Variants in SLAIN1 observed in about 807,000 individuals in gnomAD.
SLAIN1 encodes SLAIN family member 1.
Under a neutral mutation model 55.4 loss-of-function variants are expected in SLAIN1, and 17 were observed. That is an observed-to-expected ratio of 0.31 (90% CI 0.21 to 0.46). SLAIN1 has a LOEUF of 0.46. Ranked by LOEUF, SLAIN1 falls within the 20% of genes least tolerant of loss-of-function variation. The probability of loss-of-function intolerance (pLI) is 1.00; values close to 1 mark genes in which losing one functional copy is unlikely to be tolerated. For synonymous variants in SLAIN1, 348 were observed against 337.4 expected (o/e 1.03, Z -0.35); for missense variants, 682 against 785.1 (o/e 0.87, Z 1.57).
intron 2 of SLAIN1, among the ~76,000 whole-genome samples, chr13:77,720,180 T>G (rs1275148124): frequency 1.3e-5 from 2 of 152,102 alleles, no homozygotes; most frequent in South Asian, 4.1e-4. Context: ...AAGTTTAAAT[T>G]TAAAAAAAGG....
chr13:77,710,650 C>CT (rs977089704), intron 1 of SLAIN1, among the ~76,000 whole-genome samples: 2 of 152,098 alleles, frequency 1.3e-5, no homozygotes, highest in Non-Finnish European at 2.9e-5. Flanking sequence ...GTGGGAGACT[C>CT]TAACACCCCA....
chr13:77,721,927 CTAGA>C (rs1157149021), intron 2 of SLAIN1, among the ~76,000 whole-genome samples: 5 of 148,832 alleles, frequency 3.4e-5, no homozygotes, highest in African/African-American at 1.2e-4. Context: ...CATTTGCACA[CTAGA>C]TAGATTTACA....
intron 5 of SLAIN1, among the ~76,000 whole-genome samples, chr13:77,759,968 T>C (rs894013348): frequency 1.7e-4 from 26 of 152,330 alleles, no homozygotes; most frequent in African/African-American, 6.0e-4. Flanking sequence ...TTTGGGTCTT[T>C]TTCCCCCTTA....
At chr13:77,747,027 A>T (rs1034744466) in intron 4 of SLAIN1, among the ~76,000 whole-genome samples, 172 bp downstream of exon 4, 1 of 152,116 alleles carries the variant, frequency 6.6e-6, no homozygotes, top group Non-Finnish European at 1.5e-5. Flanking sequence ...CCTAGGTTCA[A>T]ACGATTCTCC....
chr13:77,711,414 A>G (rs1251647754), intron 1 of SLAIN1, among the ~76,000 whole-genome samples: 4 of 152,220 alleles, frequency 2.6e-5, no homozygotes, highest in African/African-American at 9.7e-5. Flanking sequence ...TCCCACAGAA[A>G]TACAAACTAC....
At chr13:77,763,106 T>C in intron 6 of SLAIN1, 39 bp from the exon 7 acceptor site, 7 of 1,550,010 alleles carry the variant, frequency 4.5e-6, no homozygotes, top group South Asian at 1.1e-5. Context: ...CATAGGATTA[T>C]TAACAATCTC....
At chr13:77,733,851 T>C (rs1872990967) in intron 2 of SLAIN1, among the ~76,000 whole-genome samples, 1 of 152,108 alleles carries the variant, frequency 6.6e-6, no homozygotes, top group Non-Finnish European at 1.5e-5. Context: ...GTTTACCCAA[T>C]AAAAAATATT....
Position 77,763,182 on chromosome 13 carries a change from A to G in SLAIN1, c.1735A>G (p.Thr579Ala), listed in dbSNP as rs1436261014. 1 of 1,613,896 alleles carries G rather than the reference A, an allele frequency of 6.2e-7. No homozygotes were observed. Among genetic ancestry groups the G allele is most frequent in the African/African-American group, 1.3e-5 (1 of 74,900 alleles). ...QPPKPLSSLS[T>A]LRDGNWRDGC... is the part of the protein sequence containing the mutation. ...TCCAAAGCCTCTGTCTTCACTCAGC[A>G]CTCTGAGGGATGGAAATTGGAGAGA... is the stretch of plus-strand genomic sequence containing the variant. Residue 579 changes from threonine (T) to alanine (A), a missense_variant, in exon 7 of 7, where the codon ACT becomes GCT. Physicochemically the swap from Thr to Ala is moderately conservative, Grantham distance 58. This residue lies in a region of SLAIN1 where 244 missense variants were observed against 295.2 expected (regional missense o/e 0.83). Transcript: ENST00000418532.
At chr13:77,753,908 C>T (rs1447336957) in intron 5 of SLAIN1, among the ~76,000 whole-genome samples, 4 of 152,028 alleles carry the variant, frequency 2.6e-5, no homozygotes, top group Non-Finnish European at 5.9e-5. Flanking sequence ...TTTAGCTTAC[C>T]CCACATTCTG....
chr13:77,698,959 G>T lies in SLAIN1; in HGVS notation c.626+420G>T. On this transcript the variant is annotated intron_variant, in intron 1 of 6. Transcript: ENST00000418532. The surrounding 1 kb of genome is among the most constrained non-coding windows in gnomAD (Gnocchi z 4.1). ...TTGGCCTCTGTCTGCGACTGTTACT[G>T]TTCTTTCGTTTTAAACGAACGCTGG... 1 of 1,534,332 alleles carries T rather than the reference G, an allele frequency of 6.5e-7. No homozygotes were observed.
At chr13:77,721,925 C>T (rs1243235733) in intron 2 of SLAIN1, among the ~76,000 whole-genome samples, 1 of 148,842 alleles carries the variant, frequency 6.7e-6, no homozygotes, top group Non-Finnish European at 1.5e-5. Context: ...GTCATTTGCA[C>T]ACTAGATAGA....
intron 2 of SLAIN1, among the ~76,000 whole-genome samples, chr13:77,727,721 C>T (rs1451046110): frequency 6.6e-6 from 1 of 152,166 alleles, no homozygotes; most frequent in African/African-American, 2.4e-5. Context: ...CATCCCTGCT[C>T]CACTGTGATT....
Position 77,697,963 on chromosome 13 carries a change from C to T in SLAIN1, c.50C>T (p.Ala17Val). The change falls in exon 1 of 7, where the codon GCG (alanine) becomes GTG (valine). Residue 17 changes from alanine to valine, a missense_variant. This residue lies in a region of SLAIN1 where 401 missense variants were observed against 417.3 expected (regional missense o/e 0.96). Transcript: ENST00000418532. ...KCASAGVSSG[A>V]GSGPVVNAEL... Reference sequence around the variant, plus strand: ...GCCTCGGCAGGGGTCAGCTCTGGAGCGGGCTCCGGGCCGGTGGTGAACGCG... The same window carrying T: ...GCCTCGGCAGGGGTCAGCTCTGGAGTGGGCTCCGGGCCGGTGGTGAACGCG... The T allele has an allele frequency of 1.4e-6, 2 of 1,445,156 alleles. No homozygotes were observed. The highest frequency in any genetic ancestry group is 1.8e-6 in the Non-Finnish European group (2 of 1,090,050). 89.5% of individuals were successfully genotyped at this position (1,445,156 alleles called of 1,614,324 possible).
intron 1 of SLAIN1, among the ~76,000 whole-genome samples, chr13:77,717,272 G>A (rs1381678227): frequency 6.6e-6 from 1 of 151,960 alleles, no homozygotes; most frequent in Admixed American, 6.6e-5. Flanking sequence ...TGTGATATTG[G>A]CCGTTAGTTT....
intron 2 of SLAIN1, among the ~76,000 whole-genome samples, chr13:77,733,020 A>G (rs558621765): frequency 7.2e-5 from 11 of 152,274 alleles, no homozygotes; most frequent in African/African-American, 2.2e-4. Flanking sequence ...TTTAATTATG[A>G]TTAGATGCCT....
At chr13:77,747,636 A>G (rs1408807683) in intron 4 of SLAIN1, among the ~76,000 whole-genome samples, 5 of 152,174 alleles carry the variant, frequency 3.3e-5, no homozygotes, top group Admixed American at 3.3e-4. Context: ...CTGCTCTTAC[A>G]CAGCCAGATC....
At chr13:77,730,183 T>C (rs917920243) in intron 2 of SLAIN1, among the ~76,000 whole-genome samples, 1 of 152,142 alleles carries the variant, frequency 6.6e-6, no homozygotes, top group Non-Finnish European at 1.5e-5. Flanking sequence ...TGCAGCGTCT[T>C]CAGGGCAGTT....
intron 6 of SLAIN1, among the ~76,000 whole-genome samples, chr13:77,762,884 G>C (rs1411623737): frequency 2.0e-5 from 3 of 152,110 alleles, no homozygotes; most frequent in Non-Finnish European, 4.4e-5. Flanking sequence ...TATACATTAA[G>C]GGTATTGGCC....
At chr13:77,741,221 C>T in intron 2 of SLAIN1, 1 of 986,134 alleles carries the variant, frequency 1.0e-6, no homozygotes, top group Non-Finnish European at 1.2e-6. Context: ...GGCAAGATAG[C>T]AGTCACAAAG....
Sources: allele counts gnomAD v4.1 joint callset (sites outside exome capture counted in the v4.1 genomes callset), GRCh38; gene constraint gnomAD v4.1.1; regional missense constraint gnomAD v4.1.1; non-coding constraint Gnocchi (gnomAD v3.1); transcripts MANE v1.5; gene names NCBI Gene and HGNC (gene_info 2026-07-23, HGNC 2026-07-21).